ZCCHC7: variants seen among roughly 807,000 people sequenced by gnomAD.
The protein encoded by ZCCHC7 is zinc finger CCHC domain-containing protein 7.
A neutral mutation model predicts 52.0 loss-of-function variants in ZCCHC7; 35 were observed. That is an observed-to-expected ratio of 0.67 (90% CI 0.51 to 0.89). The LOEUF is 0.89. Ranked by LOEUF, ZCCHC7 falls within the 40% of genes least tolerant of loss-of-function variation. The pLI, the probability that ZCCHC7 is intolerant of heterozygous loss-of-function variation, is 0.00. For missense variants in ZCCHC7, 574 were observed against 649.1 expected (o/e 0.88, Z 1.26); for synonymous variants, 217 against 221.5 (o/e 0.98, Z 0.18).
intron 2 of ZCCHC7, among the ~76,000 whole-genome samples, chr9:37,134,244 T>G (rs1008049949): frequency 2.6e-5 from 4 of 152,126 alleles, no homozygotes; most frequent in Non-Finnish European, 5.9e-5. Flanking sequence ...CCCCTTAATC[T>G]CTTCCTTTTT....
At chr9:37,165,971 G>A (rs1821395249) in intron 2 of ZCCHC7, among the ~76,000 whole-genome samples, 1 of 152,312 alleles carries the variant, frequency 6.6e-6, no homozygotes, top group South Asian at 2.1e-4. Flanking sequence ...TTTTTAAATA[G>A]ACATAGCTAA....
chr9:37,235,323 T>C (rs1403219532), intron 2 of ZCCHC7, among the ~76,000 whole-genome samples: 5 of 152,142 alleles, frequency 3.3e-5, no homozygotes, highest in African/African-American at 1.2e-4. Context: ...GCTGCTTTTT[T>C]AAACTCCGTA....
At chr9:37,134,605 G>A (rs1255378833) in intron 2 of ZCCHC7, among the ~76,000 whole-genome samples, 7 of 152,220 alleles carry the variant, frequency 4.6e-5, no homozygotes, top group East Asian at 3.9e-4. Context: ...CTGTCCAGTC[G>A]CCATCCTGTT....
intron 2 of ZCCHC7, among the ~76,000 whole-genome samples, chr9:37,246,983 G>A (rs962940575): frequency 6.6e-6 from 1 of 152,116 alleles, no homozygotes; most frequent in African/African-American, 2.4e-5. Flanking sequence ...AGAATACAGT[G>A]TATCGTTAAC....
chr9:37,297,461 T>C (rs985145712), intron 2 of ZCCHC7, among the ~76,000 whole-genome samples: 3 of 152,224 alleles, frequency 2.0e-5, no homozygotes, highest in Admixed American at 6.5e-5. Context: ...TAAATCACCA[T>C]TAGTGGCAAA....
At chr9:37,280,828 G>A (rs1827923853) in intron 2 of ZCCHC7, among the ~76,000 whole-genome samples, 1 of 151,926 alleles carries the variant, frequency 6.6e-6, no homozygotes, top group Non-Finnish European at 1.5e-5. Flanking sequence ...GAATGTAGAG[G>A]CACAATCATG....
chr9:37,135,024 G>A (rs1842941885), intron 2 of ZCCHC7, among the ~76,000 whole-genome samples: 1 of 152,042 alleles, frequency 6.6e-6, no homozygotes, highest in East Asian at 1.9e-4. Context: ...ACCACACCCG[G>A]CCCTCTTTCT....
chr9:37,330,521 CTT>C (rs1226052031), intron 6 of ZCCHC7, among the ~76,000 whole-genome samples: 2 of 151,386 alleles, frequency 1.3e-5, no homozygotes, highest in African/African-American at 2.4e-5. Context: ...AATTTAATGT[CTT>C]TATCAATTTG....
At chr9:37,210,159 GCTT>G (rs1824137388) in intron 2 of ZCCHC7, among the ~76,000 whole-genome samples, 1 of 152,072 alleles carries the variant, frequency 6.6e-6, no homozygotes, top group African/African-American at 2.4e-5. Flanking sequence ...CATCTCCCTG[GCTT>G]CTTTTTTGTC....
At chr9:37,139,296 A>G (rs575613513) in intron 2 of ZCCHC7, among the ~76,000 whole-genome samples, 3 of 151,968 alleles carry the variant, frequency 2.0e-5, no homozygotes, top group African/African-American at 4.8e-5. Context: ...TGATTGTGCA[A>G]ATAGTTAAGA....
intron 2 of ZCCHC7, among the ~76,000 whole-genome samples, chr9:37,212,026 C>CT (rs1824252586): frequency 1.8e-5 from 1 of 55,430 alleles, no homozygotes; most frequent in African/African-American, 6.2e-5. Context: ...GACTCCGTCT[C>CT]AAAAAAAAAA....
chr9:37,156,372 C>A (rs950147139), intron 2 of ZCCHC7, among the ~76,000 whole-genome samples: 46 of 152,152 alleles, frequency 3.0e-4, no homozygotes, highest in African/African-American at 9.9e-4. Flanking sequence ...AGCTGTTTTT[C>A]AACTCGTTTC....
Position 37,305,552 on chromosome 9 carries a change from T to C in ZCCHC7, c.789T>C (p.Arg263=). Reference sequence around the variant, plus strand: ...TTTTTTTCGCCACATAGAAAGTTCGTCGCTGCTTCCTGTGCTCCAGGAGAG... The same window carrying C: ...TTTTTTTCGCCACATAGAAAGTTCGCCGCTGCTTCCTGTGCTCCAGGAGAG... ...SKNCPLPRKV[R]RCFLCSRRGH... The change falls in exon 5 of 9, where the codon CGT becomes CGC. Residue 263 remains arginine, a synonymous_variant. Transcript: ENST00000336755. 1 of 1,613,790 alleles carries C rather than the reference T, an allele frequency of 6.2e-7. No homozygotes were observed. The highest frequency in any genetic ancestry group is 8.5e-7 in the Non-Finnish European group (1 of 1,179,970).
chr9:37,173,450 A>G (rs1293480291), intron 2 of ZCCHC7, among the ~76,000 whole-genome samples: 1 of 152,246 alleles, frequency 6.6e-6, no homozygotes, highest in Non-Finnish European at 1.5e-5. Flanking sequence ...AAATAAGGAA[A>G]ACATTCTTTT....
chr9:37,250,638 A>G (rs893389731), intron 2 of ZCCHC7, among the ~76,000 whole-genome samples: 2 of 152,062 alleles, frequency 1.3e-5, no homozygotes, highest in African/African-American at 4.8e-5. Flanking sequence ...TTCTAGGCTT[A>G]TTGGCCATTC....
intron 5 of ZCCHC7, among the ~76,000 whole-genome samples, chr9:37,307,226 T>C (rs142352289): frequency 6.7e-4 from 102 of 152,320 alleles, no homozygotes; most frequent in African/African-American, 2.4e-3. Context: ...TATATGGAGT[T>C]TAGTCATAAT....
At chr9:37,147,642 ACTTT>A (rs970366677) in intron 2 of ZCCHC7, among the ~76,000 whole-genome samples, 1 of 151,994 alleles carries the variant, frequency 6.6e-6, no homozygotes, top group East Asian at 1.9e-4. Flanking sequence ...AGTGCACATG[ACTTT>A]CTTTCATAAA....
At chr9:37,258,864 T>G (rs762335374) in intron 2 of ZCCHC7, among the ~76,000 whole-genome samples, 77 of 151,594 alleles carry the variant, frequency 5.1e-4, no homozygotes, top group Middle Eastern at 3.4e-3. Flanking sequence ...AATAGATATT[T>G]AAAAACCCAG....
At chr9:37,325,654 G>A (rs1159398245) in intron 5 of ZCCHC7, among the ~76,000 whole-genome samples, 1 of 152,202 alleles carries the variant, frequency 6.6e-6, no homozygotes, top group East Asian at 1.9e-4. Flanking sequence ...TATAAATAAA[G>A]ATGTGTGCCT....
Sources: allele counts gnomAD v4.1 joint callset (sites outside exome capture counted in the v4.1 genomes callset), GRCh38; gene constraint gnomAD v4.1.1; transcripts MANE v1.5; gene names NCBI Gene and HGNC (gene_info 2026-07-23, HGNC 2026-07-21).